Variants in SEPTIN9 observed in about 807,000 individuals in gnomAD.
SEPTIN9 encodes septin 9.
Under a neutral mutation model 56.6 loss-of-function variants are expected in SEPTIN9, and 13 were observed. The ratio of observed to expected loss-of-function variants is 0.23; its 90% CI spans 0.15 to 0.37. The LOEUF (loss-of-function observed/expected upper bound fraction) is 0.37. Among genes scored for constraint, SEPTIN9 ranks in the 10% least tolerant of loss-of-function variants. The pLI is 1.00. For missense variants in SEPTIN9, 650 were observed against 823.1 expected (o/e 0.79, Z 2.57); for synonymous variants, 332 against 334.1 (o/e 0.99, Z 0.07).
chr17:77,303,637 T>C (rs2032151079), intron 1 of SEPTIN9, among the ~76,000 whole-genome samples: 1 of 151,836 alleles, frequency 6.6e-6, no homozygotes, highest in African/African-American at 2.4e-5. Context: ...ACTGAGATCG[T>C]GCCACTGCAG....
In SEPTIN9 at chr17:77,451,803, A is replaced by G. The variant is rs2037984013; in HGVS notation, c.722-30341A>G. 6.6e-6 allele frequency among the ~76,000 whole-genome samples: 1 copy of G among 152,218 alleles called. No homozygotes were observed. The highest frequency in any genetic ancestry group is 1.5e-5 in the Non-Finnish European group (1 of 68,030). On this transcript the variant is annotated intron_variant, in intron 3 of 11. Coordinates refer to ENST00000427177, the MANE Select transcript of SEPTIN9 (RefSeq NM_001113491.2). This position sits in a 1 kb window ranked among gnomAD's most constrained non-coding sequence, Gnocchi z 4.2. ...CTATCTCTTTGTAAATATTTGGCCA[A>G]CTAAGCTGAGTGGCTAAGTTCTCCT...
intron 3 of SEPTIN9, among the ~76,000 whole-genome samples, chr17:77,431,768 T>A (rs1172537673): frequency 6.7e-6 from 1 of 148,300 alleles, no homozygotes; most frequent in African/African-American, 2.5e-5. Context: ...AGGTAGAGGT[T>A]GCAGTGAGCC....
chr17:77,387,000 G>T (rs2035359812), intron 2 of SEPTIN9, among the ~76,000 whole-genome samples: 1 of 152,244 alleles, frequency 6.6e-6, no homozygotes, highest in South Asian at 2.1e-4. Flanking sequence ...GGACACACGG[G>T]TGACCTGAAA....
In SEPTIN9 at chr17:77,437,376, G is replaced by A. The variant is rs2037380046; in HGVS notation, c.721+34673G>A. Among the ~76,000 whole-genome samples, 2 of 152,186 alleles carry A rather than the reference G, an allele frequency of 1.3e-5. No homozygotes were observed. The highest frequency in any genetic ancestry group is 2.9e-5 in the Non-Finnish European group (2 of 68,030). On this transcript the variant is annotated intron_variant, in intron 3 of 11. Coordinates refer to ENST00000427177, the MANE Select transcript of SEPTIN9 (RefSeq NM_001113491.2). This position sits in a 1 kb window ranked among gnomAD's most constrained non-coding sequence, Gnocchi z 5.3. ...CACGCCCCCAGGAGCTCCCTATGGG[G>A]AAGCCGGAATGGACCTGGGCTCAGA...
In SEPTIN9 at chr17:77,317,997, A is replaced by G. The variant is rs1363073475; in HGVS notation, c.76+10800A>G. 6.6e-6 allele frequency among the ~76,000 whole-genome samples: 1 copy of G among 152,004 alleles called. No homozygotes were observed. The highest frequency in any genetic ancestry group is 1.5e-5 in the Non-Finnish European group (1 of 67,994). On this transcript the variant is annotated intron_variant, in intron 2 of 11. Coordinates refer to ENST00000427177, the MANE Select transcript of SEPTIN9 (RefSeq NM_001113491.2). This position sits in a 1 kb window ranked among gnomAD's most constrained non-coding sequence, Gnocchi z 4.2. ...ACCCAGGTGGCGGAGGTTGCAGTGA[A>G]CTGAGATAGTGCCACTGTACTCCAG...
intron 2 of SEPTIN9, among the ~76,000 whole-genome samples, chr17:77,394,435 C>T (rs1434395775): frequency 6.6e-6 from 1 of 152,168 alleles, no homozygotes; most frequent in Non-Finnish European, 1.5e-5. Context: ...ACCCTGGCTC[C>T]TAGATAGCCA....
intron 2 of SEPTIN9, among the ~76,000 whole-genome samples, chr17:77,325,847 C>T (rs1450671669): frequency 6.6e-6 from 1 of 152,204 alleles, no homozygotes; most frequent in African/African-American, 2.4e-5. Flanking sequence ...CACCCAAACC[C>T]CTGTGCCTCA....
intron 2 of SEPTIN9, among the ~76,000 whole-genome samples, chr17:77,361,143 C>T (rs532517760): frequency 8.8e-4 from 134 of 152,250 alleles, no homozygotes; most frequent in Non-Finnish European, 1.4e-3. Context: ...AGGCTGGTAT[C>T]GAACTCCTTA....
At position 77,444,499 on chromosome 17, in the gene SEPTIN9, G is replaced by T. The variant is rs546962798; in HGVS notation, c.722-37645G>T. Among the ~76,000 whole-genome samples the T allele has an allele frequency of 2.0e-5, 3 of 152,112 alleles. No homozygotes were observed. The East Asian group carries it at 5.8e-4, about 30-fold the overall frequency. ...GGGGAGGGGGGTGTGGAGAGTGGGA[G>T]CTTGAGTCTCTGAAAACAGACAGTG... On this transcript the variant is annotated intron_variant, in intron 3 of 11. Coordinates refer to ENST00000427177, the MANE Select transcript of SEPTIN9 (RefSeq NM_001113491.2).
At chr17:77,495,801 A>G (rs888303794) in intron 10 of SEPTIN9, among the ~76,000 whole-genome samples, 2 of 152,216 alleles carry the variant, frequency 1.3e-5, no homozygotes, top group African/African-American at 4.8e-5. Flanking sequence ...TAGCACTGAG[A>G]GCACTTGAGG....
chr17:77,454,860 C>G (rs1166685099), intron 3 of SEPTIN9, among the ~76,000 whole-genome samples: 1 of 152,194 alleles, frequency 6.6e-6, no homozygotes, highest in Non-Finnish European at 1.5e-5. Context: ...CTGGAACCAT[C>G]ACAGTAGACC....
At chr17:77,416,159 C>T (rs2036499097) in intron 3 of SEPTIN9, among the ~76,000 whole-genome samples, 1 of 138,246 alleles carries the variant, frequency 7.2e-6, no homozygotes, top group Admixed American at 7.0e-5. Flanking sequence ...TGTTTGATTC[C>T]TGGATTTTTT....
Position 77,487,299 on chromosome 17 carries a change from A to G in SEPTIN9, c.914-125A>G. 9.7e-7 allele frequency: 1 copy of G among 1,029,904 alleles called. No individual in the cohort carries two copies. The highest frequency in any genetic ancestry group is 1.5e-6 in the Non-Finnish European group (1 of 681,662). The allele number at this position is 1,029,904 out of a possible 1,614,324, so 63.8% of individuals were successfully genotyped here. A position where few individuals can be genotyped will look rare whatever the true frequency, so the allele number is the denominator to read the frequency against. ...GCTGCTTGGCAGGGATATTGCCGGG[A>G]GGTAGCCCAGGCACTGCTGAATCTC... On this transcript the variant is annotated intron_variant, in intron 4 of 11. Coordinates refer to ENST00000427177, the MANE Select transcript of SEPTIN9 (RefSeq NM_001113491.2). This position sits in a 1 kb window ranked among gnomAD's most constrained non-coding sequence, Gnocchi z 4.3.
chr17:77,493,285 TC>T, intron 10 of SEPTIN9: 5 of 562,294 alleles, frequency 8.9e-6, no homozygotes, highest in East Asian at 2.9e-5. Context: ...ACCCCAGACC[TC>T]CCCCCGGGCA....
At chr17:77,288,462 G>C (rs1459962658) in intron 1 of SEPTIN9, among the ~76,000 whole-genome samples, 1 of 152,218 alleles carries the variant, frequency 6.6e-6, no homozygotes, top group Admixed American at 6.5e-5. Context: ...CCCCGGGTGA[G>C]TGTGGTTACC....
chr17:77,366,333 G>T (rs536464530), intron 2 of SEPTIN9, among the ~76,000 whole-genome samples: 27 of 152,328 alleles, frequency 1.8e-4, no homozygotes, highest in African/African-American at 6.3e-4. Context: ...GTCTTGCGGG[G>T]CTGGAGTAGG....
chr17:77,316,138 A>C (rs1214685857), intron 2 of SEPTIN9, among the ~76,000 whole-genome samples: 2 of 152,204 alleles, frequency 1.3e-5, no homozygotes, highest in African/African-American at 4.8e-5. Context: ...AAACCTCTTC[A>C]GTGTTCCTCT....
chr17:77,500,249 A>AC lies in SEPTIN9; in HGVS notation c.*1596dup, dbSNP rs377555099. 30 of 231,260 alleles carry AC rather than the reference A, an allele frequency of 1.3e-4. No homozygotes were observed. Among genetic ancestry groups the AC allele is most frequent in the African/African-American group, 6.2e-4 (28 of 45,146 alleles). The allele number at this position is 231,260 out of a possible 1,614,324, so 14.3% of individuals were successfully genotyped here. A position where few individuals can be genotyped will look rare whatever the true frequency, so the allele number is the denominator to read the frequency against. On this transcript the variant is annotated 3_prime_UTR_variant, in exon 12 of 12. Coordinates refer to ENST00000427177, the MANE Select transcript of SEPTIN9 (RefSeq NM_001113491.2). ...CCCAAGAGAGGAAGGACCCCTCACC[A>AC]CCCCCACTGGTGAGACAGTTTACTT...
Position 77,434,935 on chromosome 17 carries a change from C to T in SEPTIN9, c.721+32232C>T, listed in dbSNP as rs1486637750. Among the ~76,000 whole-genome samples the T allele has an allele frequency of 6.6e-6, 1 of 152,158 alleles. No individual in the cohort carries two copies. The highest frequency in any genetic ancestry group is 1.5e-5 in the Non-Finnish European group (1 of 68,032). ...CAGGGGAGCAGAGACCTCACCCTTC[C>T]TCTGCCGACATCAGGCTGCCGGTGC... On this transcript the variant is annotated intron_variant, in intron 3 of 11. Transcript: ENST00000427177. This position sits in a 1 kb window ranked among gnomAD's most constrained non-coding sequence, Gnocchi z 5.0.
Sources: gnomAD v4.1 joint callset for allele counts (sites outside exome capture counted in the v4.1 genomes callset) on GRCh38, gnomAD v4.1.1 for gene constraint, Gnocchi (gnomAD v3.1) non-coding constraint, MANE v1.5 for transcripts, NCBI Gene and HGNC (gene_info 2026-07-23, HGNC 2026-07-21) for gene names.